The following CDH8 variants were observed in gnomAD, a reference collection of about 807,000 sequenced individuals.
The protein encoded by CDH8 is cadherin-8.
A neutral mutation model predicts 68.1 loss-of-function variants in CDH8; 17 were observed. That is an observed-to-expected ratio of 0.25 (90% CI 0.17 to 0.37). The LOEUF is 0.37. Among genes scored for constraint, CDH8 ranks in the 10% least tolerant of loss-of-function variants. The pLI is 1.00. For synonymous variants in CDH8, 372 were observed against 365.1 expected, an observed-to-expected ratio of 1.02 and a Z score of -0.21; for missense variants, 763 against 999.3, an observed-to-expected ratio of 0.76 and a Z score of 3.19.
At chr16:61,898,781 A>G (rs1383952948) in intron 3 of CDH8, among the ~76,000 whole-genome samples, 2 of 152,204 alleles carry the variant, frequency 1.3e-5, no homozygotes, top group Admixed American at 6.5e-5. Context: ...GGTGAGGCTT[A>G]ATGAGTAAAA....
At chr16:61,837,367 A>G (rs1962590153) in intron 4 of CDH8, among the ~76,000 whole-genome samples, 1 of 152,050 alleles carries the variant, frequency 6.6e-6, no homozygotes, top group African/African-American at 2.4e-5. Flanking sequence ...TTCAGCTCCC[A>G]TTCATACACC....
rs563075842 is a variant in CDH8 at position 61,767,143 on chromosome 16, T to C, written c.1414+22203A>G. Among the ~76,000 whole-genome samples the C allele has an allele frequency of 2.0e-5, 3 of 152,052 alleles. No homozygotes were observed. The East Asian group carries it at 5.8e-4, about 29-fold the overall frequency. On this transcript the variant is annotated intron_variant, in intron 8 of 11. Coordinates refer to ENST00000577390, the MANE Select transcript of CDH8 (RefSeq NM_001796.5). ...AAATGATTTCCGCATGACTTGTGTG[T>C]GTGTGCGACACTATTCATACCATTT... is the stretch of plus-strand genomic sequence containing the variant.
intron 7 of CDH8, among the ~76,000 whole-genome samples, chr16:61,807,509 C>G (rs1961821880): frequency 6.6e-6 from 1 of 151,858 alleles, no homozygotes; most frequent in Non-Finnish European, 1.5e-5. Context: ...CAAAAACAAA[C>G]AAACAAACAA....
chr16:61,754,137 G>A (rs1013037610), intron 8 of CDH8, among the ~76,000 whole-genome samples: 3 of 151,926 alleles, frequency 2.0e-5, no homozygotes, highest in African/African-American at 4.8e-5. Context: ...CCTTTCTAAC[G>A]TCCTTCAGCT....
chr16:61,942,147 C>T (rs928866337), intron 2 of CDH8, among the ~76,000 whole-genome samples: 3 of 152,064 alleles, frequency 2.0e-5, no homozygotes, highest in Non-Finnish European at 4.4e-5. Context: ...TTTAAAGAAT[C>T]ATGCTGTTGC....
chr16:61,800,473 C>A (rs1961596661), intron 7 of CDH8, among the ~76,000 whole-genome samples: 1 of 152,094 alleles, frequency 6.6e-6, no homozygotes, highest in Admixed American at 6.5e-5. Flanking sequence ...AATCTCAGAC[C>A]CTTGGCTTTG....
chr16:61,702,199 C>T (rs1237219230), intron 10 of CDH8, among the ~76,000 whole-genome samples: 2 of 152,004 alleles, frequency 1.3e-5, no homozygotes, highest in Admixed American at 1.3e-4. Flanking sequence ...GGTGAAACCC[C>T]GTCTCTACTA....
chr16:61,822,205 C>CT (rs71707137), intron 5 of CDH8, among the ~76,000 whole-genome samples: 37 of 45,640 alleles, frequency 8.1e-4, no homozygotes, highest in African/African-American at 1.1e-3. Flanking sequence ...AAAAACGCAC[C>CT]TTTTTTTTTT....
intron 8 of CDH8, among the ~76,000 whole-genome samples, chr16:61,755,621 G>A (rs1960291856): frequency 6.6e-6 from 1 of 151,742 alleles, no homozygotes; most frequent in African/African-American, 2.4e-5. Flanking sequence ...GTGAGCCTAT[G>A]GATGATTTTG....
chr16:62,032,971 A>G (rs1902363469), intron 1 of CDH8, among the ~76,000 whole-genome samples: 2 of 152,232 alleles, frequency 1.3e-5, no homozygotes, highest in African/African-American at 4.8e-5. Context: ...CCACCAATAA[A>G]CAATGAAAGG....
chr16:61,793,753 C>G (rs796848449), intron 7 of CDH8, among the ~76,000 whole-genome samples: 31 of 152,050 alleles, frequency 2.0e-4, no homozygotes, highest in African/African-American at 7.5e-4. Context: ...ATTTATATTC[C>G]TTTGGGTATA....
Position 61,706,620 on chromosome 16 carries a change from C to CAAAAAAAAAAAAAAAAAA in CDH8, c.1654+7203_1654+7220dup, listed in dbSNP as rs781148249. 6.3e-4 allele frequency among the ~76,000 whole-genome samples: 38 copies of CAAAAAAAAAAAAAAAAAA among 60,378 alleles called. 2 individuals carry two copies. Among genetic ancestry groups the CAAAAAAAAAAAAAAAAAA allele is most frequent in the African/African-American group, 1.3e-3 (19 of 14,322 alleles). The allele number at this position is 60,378 out of a possible 152,430, so 39.6% of individuals were successfully genotyped here. A position where few individuals can be genotyped will look rare whatever the true frequency, so the allele number is the denominator to read the frequency against. ...TGGGCACCAGAGCAAGACTCTGTCT[C>CAAAAAAAAAAAAAAAAAA]AAAAAAAAAAAAAAAAAAAAAAAAG... On this transcript the variant is annotated intron_variant, in intron 10 of 11. Coordinates refer to ENST00000577390, the MANE Select transcript of CDH8 (RefSeq NM_001796.5).
At chr16:61,845,201 G>A (rs1156277517) in intron 4 of CDH8, among the ~76,000 whole-genome samples, 2 of 152,066 alleles carry the variant, frequency 1.3e-5, no homozygotes, top group African/African-American at 2.4e-5. Context: ...TCTGCTGAGA[G>A]TGAAAGCAAG....
chr16:61,657,527 A>G (rs1170298756), intron 10 of CDH8, among the ~76,000 whole-genome samples: 1 of 152,090 alleles, frequency 6.6e-6, no homozygotes, highest in African/African-American at 2.4e-5. Context: ...CTTTATTGTC[A>G]TGACCTAGAT....
rs1248163413 is a variant in CDH8 at position 61,830,021 on chromosome 16, T to C, written c.668-4842A>G. Among the ~76,000 whole-genome samples the C allele has an allele frequency of 2.6e-5, 4 of 151,896 alleles. No individual in the cohort carries two copies. In the East Asian group the frequency reaches 7.8e-4, roughly 29 times the overall value. On this transcript the variant is annotated intron_variant, in intron 4 of 11. Transcript: ENST00000577390. ...CTATTCACAATGTATTTCACTTCCATAGATACTTCAAGATATTGACAAGCT... is the reference window on the plus strand; with the variant it reads ...CTATTCACAATGTATTTCACTTCCACAGATACTTCAAGATATTGACAAGCT...
At chr16:61,774,198 G>T (rs1483511005) in intron 8 of CDH8, among the ~76,000 whole-genome samples, 1 of 151,932 alleles carries the variant, frequency 6.6e-6, no homozygotes, top group Non-Finnish European at 1.5e-5. Flanking sequence ...GTGTGGGCTG[G>T]CATTATTCAA....
chr16:61,918,070 AACTGTACTGAGTCATAGAACTCTTCATT>A (rs1391791584), intron 2 of CDH8, among the ~76,000 whole-genome samples: 8 of 202 alleles, frequency 0.04, no homozygotes, highest in African/African-American at 0.17. Context: ...CAGTGCCAAC[AACTGTACTGAGTCATAGAACTCTTCATT>A]ACTCACTCTC....
intron 8 of CDH8, among the ~76,000 whole-genome samples, chr16:61,757,355 T>C (rs529557437): frequency 1.6e-4 from 25 of 152,198 alleles, no homozygotes; most frequent in Non-Finnish European, 2.9e-4. Flanking sequence ...ACTATTAAGG[T>C]ATTTAAGATG....
intron 10 of CDH8, among the ~76,000 whole-genome samples, chr16:61,668,183 T>A (rs1963718011): frequency 6.6e-6 from 1 of 151,996 alleles, no homozygotes; most frequent in Non-Finnish European, 1.5e-5. Context: ...GAGCATAGCA[T>A]ACCATAACAC....
Sources: allele counts gnomAD v4.1 joint callset (sites outside exome capture counted in the v4.1 genomes callset), GRCh38; gene constraint gnomAD v4.1.1; transcripts MANE v1.5; gene names NCBI Gene and HGNC (gene_info 2026-07-23, HGNC 2026-07-21).